Variants in RARB observed in about 807,000 individuals in gnomAD.
RARB encodes the protein HBV-activated protein.
A neutral mutation model predicts 51.9 loss-of-function variants in RARB; 17 were observed. That is an observed-to-expected ratio of 0.33 (90% CI 0.22 to 0.49). RARB has a LOEUF of 0.49. Among genes scored for constraint, RARB ranks in the 20% least tolerant of loss-of-function variants. The probability of loss-of-function intolerance (pLI) is 0.99; values close to 1 mark genes in which losing one functional copy is unlikely to be tolerated. For synonymous variants in RARB, 215 were observed against 195.4 expected (o/e 1.10, Z -0.84); for missense variants, 369 against 550.8 (o/e 0.67, Z 3.30).
chr3:25,033,674 A>C (rs889963532), intron 2 of RARB, among the ~76,000 whole-genome samples: 2 of 152,176 alleles, frequency 1.3e-5, no homozygotes, highest in Non-Finnish European at 1.5e-5. Flanking sequence ...GATTTCAGAG[A>C]GCAGTGGCTG....
chr3:25,561,199 A>G (rs1049903778), intron 3 of RARB, among the ~76,000 whole-genome samples: 1 of 152,148 alleles, frequency 6.6e-6, no homozygotes, highest in African/African-American at 2.4e-5. Flanking sequence ...GAACAGTGCC[A>G]TAATTTCTGT....
intron 3 of RARB, among the ~76,000 whole-genome samples, chr3:25,553,021 C>T (rs922401956): frequency 5.9e-5 from 9 of 152,104 alleles, no homozygotes; most frequent in African/African-American, 1.9e-4. Context: ...AAATGAAAAA[C>T]AGATATCCTA....
chr3:25,120,304 C>G (rs755562151), intron 3 of RARB, among the ~76,000 whole-genome samples: 15 of 152,180 alleles, frequency 9.9e-5, no homozygotes, highest in Non-Finnish European at 2.1e-4. Flanking sequence ...AGATTACATA[C>G]TCCTTTTAAA....
intron 5 of RARB, among the ~76,000 whole-genome samples, chr3:25,365,996 A>G (rs775006055): frequency 4.6e-5 from 7 of 152,190 alleles, no homozygotes; most frequent in Non-Finnish European, 1.0e-4. Context: ...CCATTTTTTT[A>G]AAACACCACA....
intron 1 of RARB, among the ~76,000 whole-genome samples, chr3:24,849,629 G>A (rs9837889): frequency 0.28 from 43,300 of 152,192 alleles, 8,096 homozygotes; most frequent in East Asian, 0.67. Context: ...TCACACCTGA[G>A]AGAAGCTTCT....
intron 5 of RARB, among the ~76,000 whole-genome samples, chr3:25,252,965 G>A (rs1001640883): frequency 2.6e-5 from 4 of 152,212 alleles, no homozygotes; most frequent in African/African-American, 9.6e-5. Flanking sequence ...GAAGGGGAGG[G>A]TAATATGCAC....
chr3:24,880,010 A>ATACTC (rs1334513183), intron 2 of RARB, among the ~76,000 whole-genome samples: 23 of 152,330 alleles, frequency 1.5e-4, no homozygotes, highest in Admixed American at 5.2e-4. Context: ...CTAATAGTCA[A>ATACTC]AGACATAAAC....
rs373539865 is a variant in RARB, at chr3:25,592,071, GATT to G, written c.787-1431_787-1429del. Among the ~76,000 whole-genome samples, 423 of 152,340 alleles carry G rather than the reference GATT, an allele frequency of 2.8e-3. 1 individual carries two copies. The highest frequency in any genetic ancestry group is 9.5e-3 in the African/African-American group (393 of 41,578). On this transcript the variant is annotated intron_variant, in intron 5 of 7. Coordinates refer to ENST00000330688, the MANE Select transcript of RARB (RefSeq NM_000965.5). Reference sequence around the variant, plus strand: ...CCAGTGTTTCCCTGACAAGATGAGAGATTTGACAGAAGTTTTTCTTTTAGGAGA... The same window carrying G: ...CCAGTGTTTCCCTGACAAGATGAGAGTGACAGAAGTTTTTCTTTTAGGAGA...
chr3:25,204,641 A>C lies in RARB; in HGVS notation c.178+30066A>C, dbSNP rs1012641832. On this transcript the variant is annotated intron_variant, in intron 5 of 11. Transcript: ENST00000383772. ...TTTCTGTTTGTTAGTTTTCCTTCTA[A>C]CAGTCAGGACCCTCAGCTGCAGGTC... Among the ~76,000 whole-genome samples, 5 of 152,196 alleles carry C rather than the reference A, an allele frequency of 3.3e-5. No homozygotes were observed. The East Asian group carries it at 9.6e-4, about 29-fold the overall frequency.
chr3:25,548,503 A>C (rs1391340961), intron 3 of RARB, among the ~76,000 whole-genome samples: 2 of 152,200 alleles, frequency 1.3e-5, no homozygotes, highest in Non-Finnish European at 2.9e-5. Flanking sequence ...ATTTTAAGGC[A>C]GTGCCAAGGG....
intron 4 of RARB, among the ~76,000 whole-genome samples, chr3:25,141,041 C>T (rs1388698071): frequency 6.6e-6 from 1 of 152,004 alleles, no homozygotes; most frequent in African/African-American, 2.4e-5. Flanking sequence ...ATTTGTGTGA[C>T]TAACTTTATT....
At chr3:25,545,154 AG>A (rs1699568623) in intron 3 of RARB, among the ~76,000 whole-genome samples, 1 of 152,100 alleles carries the variant, frequency 6.6e-6, no homozygotes, top group Non-Finnish European at 1.5e-5. Flanking sequence ...CATTTTGGCC[AG>A]GCTGGTCTCG....
chr3:25,050,766 T>G (rs369664380), intron 2 of RARB, among the ~76,000 whole-genome samples: 1 of 152,222 alleles, frequency 6.6e-6, no homozygotes, highest in Non-Finnish European at 1.5e-5. Flanking sequence ...TTCTCCAATA[T>G]AGTTATATCA....
At chr3:24,876,813 AAC>A (rs1317093115) in intron 2 of RARB, among the ~76,000 whole-genome samples, 10 of 152,282 alleles carry the variant, frequency 6.6e-5, no homozygotes, top group African/African-American at 2.2e-4. Flanking sequence ...CAATTAGAAA[AAC>A]AGAGTTTAGA....
intron 5 of RARB, among the ~76,000 whole-genome samples, chr3:25,385,018 A>G (rs1706750890): frequency 6.6e-6 from 1 of 152,186 alleles, no homozygotes; most frequent in African/African-American, 2.4e-5. Context: ...ATATGAGGTC[A>G]TACATTGAGT....
chr3:24,913,170 G>A (rs1695033835), intron 2 of RARB, among the ~76,000 whole-genome samples: 1 of 151,494 alleles, frequency 6.6e-6, no homozygotes, highest in Admixed American at 6.6e-5. Context: ...ATTTTTAGTA[G>A]AGACGGGGTT....
intron 4 of RARB, among the ~76,000 whole-genome samples, chr3:25,573,910 A>G (rs773574404): frequency 6.6e-6 from 1 of 152,126 alleles, no homozygotes; most frequent in Non-Finnish European, 1.5e-5. Flanking sequence ...AGACCGCAGG[A>G]ATGGCTGGAA....
At chr3:25,348,795 C>T (rs996449781) in intron 5 of RARB, among the ~76,000 whole-genome samples, 7 of 152,174 alleles carry the variant, frequency 4.6e-5, no homozygotes, top group East Asian at 1.9e-4. Context: ...AACTTGAGTA[C>T]GCATCCAAGC....
chr3:25,296,458 A>C (rs960230997), intron 5 of RARB, among the ~76,000 whole-genome samples: 1 of 152,154 alleles, frequency 6.6e-6, no homozygotes, highest in African/African-American at 2.4e-5. Context: ...ATCATCTGTA[A>C]CATGTTGATT....
Sources: gnomAD v4.1 joint callset for allele counts (sites outside exome capture counted in the v4.1 genomes callset) on GRCh38, gnomAD v4.1.1 for gene constraint, MANE v1.5 for transcripts, NCBI Gene and HGNC (gene_info 2026-07-23, HGNC 2026-07-21) for gene names.